RELCH: variants seen among roughly 807,000 people sequenced by gnomAD.
RELCH encodes RAB11 binding and LisH domain, coiled-coil and HEAT repeat containing.
Under a neutral mutation model 150.3 loss-of-function variants are expected in RELCH, and 41 were observed. The observed-to-expected ratio is 0.27, with a 90% confidence interval of 0.21 to 0.35. The LOEUF is 0.35. Ranked by LOEUF, RELCH falls within the 10% of genes least tolerant of loss-of-function variation. The pLI is 1.00. For synonymous variants in RELCH, 478 were observed against 531.8 expected (o/e 0.90, Z 1.39); for missense variants, 1,092 against 1,467.8 (o/e 0.74, Z 4.18).
intron 1 of RELCH, among the ~76,000 whole-genome samples, chr18:62,209,911 A>G (rs1188873833): frequency 5.3e-5 from 8 of 152,114 alleles, no homozygotes; most frequent in Admixed American, 3.3e-4. Flanking sequence ...TTGGATTGTC[A>G]TTGCTAATGT....
rs775604784 is a variant in RELCH at position 62,261,529 on chromosome 18, G to A, written c.2221G>A (p.Asp741Asn). The A allele has an allele frequency of 4.3e-6, 7 of 1,611,510 alleles. No homozygotes were observed. The highest frequency in any genetic ancestry group is 5.9e-6 in the Non-Finnish European group (7 of 1,178,580). ...GTTTCAGGAAGGAGAACATGGACTG[G>A]ATGAACACAAACTCCACATGTATCT... ...KLLREGEHGLDEHKLHMYLSA... is the reference protein window; with the variant it reads ...KLLREGEHGLNEHKLHMYLSA... The change falls in exon 16 of 29, where the codon GAT (aspartate) becomes AAT (asparagine). Residue 741 changes from aspartate (D) to asparagine (N), a missense_variant. Around this residue, in one of 4 missense-constraint regions of RELCH, gnomAD observed 707 missense variants for 1,025.4 expected, o/e 0.69. Coordinates refer to ENST00000644646, the MANE Select transcript of RELCH (RefSeq NM_001346231.2).
intron 11 of RELCH, among the ~76,000 whole-genome samples, chr18:62,250,416 A>G (rs938335353): frequency 6.6e-6 from 1 of 152,236 alleles, no homozygotes; most frequent in African/African-American, 2.4e-5. Flanking sequence ...TCTCATTTTA[A>G]TACACTAATG....
rs369269476 is a variant in RELCH at position 62,227,547 on chromosome 18, A to C, written c.1063-51A>C. Reference sequence around the variant, plus strand: ...CACAGAAAGTATTTAAACTATGTAAAAGCGTACAGTGAGATCTTGAGTTTC... The same window carrying C: ...CACAGAAAGTATTTAAACTATGTAACAGCGTACAGTGAGATCTTGAGTTTC... On this transcript the variant is annotated intron_variant, in intron 6 of 28. Transcript: ENST00000644646. The C allele has an allele frequency of 3.9e-4, 607 of 1,551,686 alleles. 5 individuals carry two copies. In the African/African-American group the frequency reaches 7.3e-3, roughly 19 times the overall value.
At chr18:62,212,077 C>A (rs1383459257) in intron 2 of RELCH, among the ~76,000 whole-genome samples, 1 of 152,200 alleles carries the variant, frequency 6.6e-6, no homozygotes, top group East Asian at 1.9e-4. Context: ...CCAGTCTTGC[C>A]TTCTAGGCAC....
In RELCH at chr18:62,187,963, C is replaced by G. The variant is rs765501665; in HGVS notation, c.458C>G (p.Pro153Arg). The change falls in exon 1 of 29, where the codon CCT becomes CGT. Residue 153 changes from proline to arginine, a missense_variant. Transcript: ENST00000644646. ...CCGGGGATGGGGGCGCCAGGGGTCC[C>G]TGGAGCAGCCGGCGTTGGGGGCGCT... is the stretch of plus-strand genomic sequence containing the variant. ...TPPGMGAPGV[P>R]GAAGVGGAGG... 1 of 1,599,476 alleles carries G rather than the reference C, an allele frequency of 6.3e-7. No individual in the cohort carries two copies. Among genetic ancestry groups the G allele is most frequent in the African/African-American group, 1.3e-5 (1 of 74,824 alleles).
At chr18:62,298,096 C>G (rs1318134522) in intron 27 of RELCH, among the ~76,000 whole-genome samples, 3 of 150,978 alleles carry the variant, frequency 2.0e-5, no homozygotes, top group East Asian at 3.9e-4. Context: ...TGCTTTATCC[C>G]CCCCCGTCTA....
intron 2 of RELCH, among the ~76,000 whole-genome samples, chr18:62,213,653 C>T (rs537044729): frequency 6.8e-6 from 1 of 146,902 alleles, no homozygotes; most frequent in South Asian, 2.1e-4. Flanking sequence ...TTGCTTGAAT[C>T]CAGGAGGTGG....
chr18:62,284,326 A>T (rs1006046086), intron 25 of RELCH: 2 of 152,198 alleles, frequency 1.3e-5, no homozygotes, highest in African/African-American at 4.8e-5. Context: ...ATGGCCCCCA[A>T]ATAACAATTA....
chr18:62,263,919 T>C (rs1600140474), intron 16 of RELCH, 70 bp from the exon 17 acceptor site: 1 of 1,274,704 alleles, frequency 7.8e-7, no homozygotes, highest in East Asian at 2.5e-5. Context: ...CTTATTTTCC[T>C]TTCAACAGAA....
chr18:62,188,375 A>G (rs1234862428), intron 1 of RELCH, among the ~76,000 whole-genome samples: 1 of 152,112 alleles, frequency 6.6e-6, no homozygotes, highest in African/African-American at 2.4e-5. Flanking sequence ...CTTTTTCTCC[A>G]GTTACCTGAA....
intron 1 of RELCH, among the ~76,000 whole-genome samples, chr18:62,201,036 C>T (rs769704037): frequency 5.4e-5 from 7 of 130,478 alleles, no homozygotes; most frequent in Non-Finnish European, 7.7e-5. Context: ...TGCAGTGGCG[C>T]GATCTCGGCT....
intron 13 of RELCH, among the ~76,000 whole-genome samples, chr18:62,257,170 G>C (rs555432712): frequency 2.0e-5 from 3 of 152,122 alleles, no homozygotes; most frequent in African/African-American, 7.2e-5. Flanking sequence ...TGCAATATTA[G>C]TACAAGTAGG....
chr18:62,302,590 G>A (rs965833629), intron 28 of RELCH, among the ~76,000 whole-genome samples: 1 of 151,922 alleles, frequency 6.6e-6, no homozygotes, highest in Non-Finnish European at 1.5e-5. Flanking sequence ...GCACCATCTC[G>A]GCTCACTGCA....
intron 2 of RELCH, among the ~76,000 whole-genome samples, chr18:62,215,334 T>G (rs2040418043): frequency 6.6e-6 from 1 of 152,064 alleles, no homozygotes; most frequent in South Asian, 2.1e-4. Flanking sequence ...CAATGCTGGG[T>G]AGAAGGAGCT....
At chr18:62,242,000 G>A (rs1033197052) in intron 10 of RELCH, among the ~76,000 whole-genome samples, 11 of 152,080 alleles carry the variant, frequency 7.2e-5, no homozygotes, top group Non-Finnish European at 1.3e-4. Flanking sequence ...TATCCTAATC[G>A]TGTTCCTTGC....
At chr18:62,249,666 CA>C (rs931295191) in intron 11 of RELCH, among the ~76,000 whole-genome samples, 32 of 152,014 alleles carry the variant, frequency 2.1e-4, no homozygotes, top group African/African-American at 5.8e-4. Context: ...GTAAAGCTAA[CA>C]GCTGCCACCT....
intron 10 of RELCH, 38 bp from the exon 11 acceptor site, chr18:62,244,726 G>C (rs761244838): frequency 7.5e-7 from 1 of 1,330,338 alleles, no homozygotes; most frequent in Non-Finnish European, 1.1e-6. Context: ...TCTGCAATGT[G>C]TTTTTATTTG....
chr18:62,263,344 T>C (rs1016792518), intron 16 of RELCH, among the ~76,000 whole-genome samples: 2 of 152,042 alleles, frequency 1.3e-5, no homozygotes, highest in Non-Finnish European at 2.9e-5. Flanking sequence ...CTAATACTTA[T>C]GGGATTCCCT....
Position 62,244,796 on chromosome 18 carries a change from T to C in RELCH, c.1653T>C (p.Cys551=). 1 of 1,613,448 alleles carries C rather than the reference T, an allele frequency of 6.2e-7. No homozygotes were observed. Among genetic ancestry groups the C allele is most frequent in the Non-Finnish European group, 8.5e-7 (1 of 1,179,474 alleles). The change falls in exon 11 of 29, where the codon TGT becomes TGC. Residue 551 remains cysteine, a synonymous_variant. Transcript: ENST00000644646. ...TCCCCCTCATATTGTGTACAGCATG[T>C]CTACATCCTGAGCCTAAAGAGCGAG... The part of the protein sequence containing the change: ...ELIPLILCTA[C]LHPEPKERDQ...
Sources: gnomAD v4.1 joint callset for allele counts (sites outside exome capture counted in the v4.1 genomes callset) on GRCh38, gnomAD v4.1.1 for gene constraint, gnomAD v4.1.1 regional missense constraint, MANE v1.5 for transcripts, NCBI Gene and HGNC (gene_info 2026-07-23, HGNC 2026-07-21) for gene names.